Variants in SLC45A2 observed in about 807,000 individuals in gnomAD.
SLC45A2 encodes membrane-associated transporter protein.
SLC45A2 carries 36 observed loss-of-function variants against 45.5 expected under a neutral mutation model. The ratio of observed to expected loss-of-function variants is 0.79; its 90% CI spans 0.61 to 1.04. The LOEUF is 1.04. SLC45A2 is among the 50% of genes least tolerant of loss of function. The pLI is 0.00. For synonymous variants in SLC45A2, 306 were observed against 269.3 expected (o/e 1.14, Z -1.33); for missense variants, 719 against 671.0 (o/e 1.07, Z -0.79).
chr5:33,963,763 C>G lies in SLC45A2; in HGVS notation c.816G>C (p.Glu272Asp). The change falls in exon 3 of 7, where the codon GAG becomes GAC. Residue 272 changes from glutamate to aspartate, a missense_variant. Coordinates refer to ENST00000296589, the MANE Select transcript of SLC45A2 (RefSeq NM_016180.5). ...SDGMYEYGSI[E>D]KVKNGYVNPE... ...GATTTACGTAACCATTTTTAACTTT[C>G]TCGATAGAACCATACTCGTACATTC... is the stretch of plus-strand genomic sequence containing the variant. 1 of 1,614,172 alleles carries G rather than the reference C, an allele frequency of 6.2e-7. No individual in the cohort carries two copies. The highest frequency in any genetic ancestry group is 8.5e-7 in the Non-Finnish European group (1 of 1,180,026).
chr5:33,966,566 A>G lies in SLC45A2; in HGVS notation c.563-2550T>C, dbSNP rs373334918. Among the ~76,000 whole-genome samples, 640 of 150,740 alleles carry G rather than the reference A, an allele frequency of 4.2e-3. 5 individuals are homozygous for G. The highest frequency in any genetic ancestry group is 0.014 in the African/African-American group (571 of 40,970). On this transcript the variant is annotated intron_variant, in intron 2 of 6. Coordinates refer to ENST00000296589, the MANE Select transcript of SLC45A2 (RefSeq NM_016180.5). The stretch of plus-strand genomic sequence containing the variant: ...CGCCATTCTCCTGCCTCAGCCTCCC[A>G]AGTAGCTGGGACTACAGGCGCCCGC...
At chr5:33,951,791 T>G (rs1339996713) in intron 4 of SLC45A2, 114 bp from the exon 5 acceptor site, 4 of 1,288,358 alleles carry the variant, frequency 3.1e-6, no homozygotes, top group African/African-American at 2.9e-5. Flanking sequence ...AGGGACCCTT[T>G]CTAGAGTACA....
intron 6 of SLC45A2, chr5:33,945,921 TAA>T (rs1467971611): frequency 8.3e-6 from 8 of 968,008 alleles, no homozygotes; most frequent in Non-Finnish European, 9.8e-6. Flanking sequence ...AAAAAACTAG[TAA>T]GAGTGGTAAC....
At chr5:33,956,661 T>C (rs1217533661) in intron 3 of SLC45A2, among the ~76,000 whole-genome samples, 1 of 152,336 alleles carries the variant, frequency 6.6e-6, no homozygotes, top group Admixed American at 6.5e-5. Context: ...GTTGTGATAA[T>C]TTTGATGGAA....
intron 2 of SLC45A2, among the ~76,000 whole-genome samples, chr5:33,977,860 T>C (rs1367288725): frequency 6.6e-6 from 1 of 152,156 alleles, no homozygotes; most frequent in East Asian, 1.9e-4. Flanking sequence ...TAGGAAAATA[T>C]TATTTACCCA....
At position 33,964,532 on chromosome 5, in the gene SLC45A2, C is replaced by T. The variant is rs559954198; in HGVS notation, c.563-516G>A. Among the ~76,000 whole-genome samples, 7 of 152,180 alleles carry T rather than the reference C, an allele frequency of 4.6e-5. 1 individual carries two copies. Among genetic ancestry groups the T allele is most frequent in the African/African-American group, 1.7e-4 (7 of 41,504 alleles). Reference sequence around the variant, plus strand: ...ACGTAAGCTTGCAAAGATGAAACACCCTCAAAAGCTGTCTTTCTTCCTCTA... The same window carrying T: ...ACGTAAGCTTGCAAAGATGAAACACTCTCAAAAGCTGTCTTTCTTCCTCTA... On this transcript the variant is annotated intron_variant, in intron 2 of 6. Transcript: ENST00000296589.
At chr5:33,972,310 C>A in intron 2 of SLC45A2, 1 of 409,446 alleles carries the variant, frequency 2.4e-6, no homozygotes. Flanking sequence ...AGACCAAATA[C>A]ACGGGATCTT....
At chr5:33,954,265 G>A in intron 4 of SLC45A2, 96 bp downstream of exon 4, 3 of 1,544,330 alleles carry the variant, frequency 1.9e-6, no homozygotes, top group East Asian at 2.3e-5. Flanking sequence ...CATTCTTACT[G>A]TGCCAATCTT....
intron 2 of SLC45A2, among the ~76,000 whole-genome samples, chr5:33,968,268 T>C (rs902651027): frequency 2.6e-5 from 4 of 151,896 alleles, no homozygotes; most frequent in Admixed American, 2.6e-4. Flanking sequence ...CAAAACCTAA[T>C]TGCGCTATGA....
chr5:33,972,153 G>A, intron 2 of SLC45A2: 1 of 519,576 alleles, frequency 1.9e-6, no homozygotes, highest in South Asian at 1.4e-5. Context: ...CATCCACCAT[G>A]CATCATTTTT....
Position 33,951,581 on chromosome 5 carries a change from T to A in SLC45A2, c.1129A>T (p.Asn377Tyr), listed in dbSNP as rs1752098057. ...VEVGCWGLCI[N>Y]SVFSSLYSYF... is the part of the protein sequence containing the mutation. ...GAATAAAGTGAGGAAAACACGGAGT[T>A]GATGCACAAGCCCCAACATCCAACC... is the stretch of plus-strand genomic sequence containing the variant. Residue 377 changes from asparagine to tyrosine, a missense_variant, in exon 5 of 7, where the codon AAC becomes TAC. By Grantham distance (143) the Asn-to-Tyr change is moderately radical. Coordinates refer to ENST00000296589, the MANE Select transcript of SLC45A2 (RefSeq NM_016180.5). 1 of 1,613,970 alleles carries A rather than the reference T, an allele frequency of 6.2e-7. No individual in the cohort carries two copies. The highest frequency in any genetic ancestry group is 8.5e-7 in the Non-Finnish European group (1 of 1,180,000).
rs1752221315 is a variant in SLC45A2, at chr5:33,954,573, C to G, written c.889-69G>C. ...ACTCAGCCAGCTAAGGGAGCCAGAA[C>G]ACACAGACATGTTATGTATTTGTCA... On this transcript the variant is annotated intron_variant, in intron 3 of 6. Transcript: ENST00000296589. 3.8e-6 allele frequency: 6 copies of G among 1,598,314 alleles called. No homozygotes were observed. In the Admixed American group the frequency reaches 8.4e-5, roughly 22 times the overall value.
chr5:33,963,836 C>T lies in SLC45A2; in HGVS notation c.743G>A (p.Gly248Asp), dbSNP rs777504801. The T allele has an allele frequency of 2.5e-6, 4 of 1,613,984 alleles. No individual in the cohort carries two copies. The East Asian group carries it at 6.7e-5, about 27-fold the overall frequency. ...SEAPLTEVAK[G>D]IPPQQTPQDP... is the part of the protein sequence containing the mutation. ...CTGAGGGGTTTGCTGTGGGGGAATG[C>T]CCTTTGCAACCTCTGTAAGTGGGGC... is the stretch of plus-strand genomic sequence containing the variant. The change falls in exon 3 of 7, where the codon GGC (glycine) becomes GAC (aspartate). Residue 248 changes from glycine (G) to aspartate (D), a missense_variant. Coordinates refer to ENST00000296589, the MANE Select transcript of SLC45A2 (RefSeq NM_016180.5).
chr5:33,982,374 T>A lies in SLC45A2; in HGVS notation c.424A>T (p.Ile142Leu). The A allele has an allele frequency of 3.7e-6, 6 of 1,614,168 alleles. No individual in the cohort carries two copies. The highest frequency in any genetic ancestry group is 5.1e-6 in the Non-Finnish European group (6 of 1,180,032). Residue 142 changes from isoleucine to leucine, a missense_variant, in exon 2 of 7, where the codon ATA becomes TTA. Ile to Leu is a conservative substitution (Grantham distance 5, BLOSUM62 2). Coordinates refer to ENST00000296589, the MANE Select transcript of SLC45A2 (RefSeq NM_016180.5). ...ANPRRKLVWA[I>L]SVTMIGVVLF... is the part of the protein sequence containing the mutation. The stretch of plus-strand genomic sequence containing the variant: ...ACGACACCTATCATGGTGACACTTA[T>A]GGCCCAAACCAGCTTCCTCCTTGGG...
intron 3 of SLC45A2, among the ~76,000 whole-genome samples, chr5:33,958,364 C>T (rs1382322140): frequency 6.6e-6 from 1 of 152,144 alleles, no homozygotes; most frequent in African/African-American, 2.4e-5. Context: ...AAGCCTTGGC[C>T]CTGACCCTGG....
chr5:33,971,861 A>G (rs1752786546), intron 2 of SLC45A2, among the ~76,000 whole-genome samples: 1 of 152,174 alleles, frequency 6.6e-6, no homozygotes, highest in South Asian at 2.1e-4. Context: ...TCCCGACCTC[A>G]GGTAATCCAC....
intron 5 of SLC45A2, among the ~76,000 whole-genome samples, chr5:33,948,798 C>G (rs912569188): frequency 5.3e-5 from 8 of 152,342 alleles, no homozygotes; most frequent in Admixed American, 3.9e-4. Flanking sequence ...GGGAAATGCT[C>G]TTATCCAAGT....
intron 2 of SLC45A2, chr5:33,971,021 G>T: frequency 2.0e-6 from 1 of 497,954 alleles, no homozygotes; most frequent in South Asian, 1.5e-5. Context: ...AAAAAGTGTT[G>T]GGCAGATTGT....
At chr5:33,977,179 G>T (rs182924775) in intron 2 of SLC45A2, among the ~76,000 whole-genome samples, 9 of 152,340 alleles carry the variant, frequency 5.9e-5, no homozygotes, top group Non-Finnish European at 1.0e-4. Context: ...TGCCAGCCAG[G>T]AAGAGAGGCC....
Sources: gnomAD v4.1 joint callset for allele counts (sites outside exome capture counted in the v4.1 genomes callset) on GRCh38, gnomAD v4.1.1 for gene constraint, MANE v1.5 for transcripts, NCBI Gene and HGNC (gene_info 2026-07-23, HGNC 2026-07-21) for gene names.